Variants in ABCC5 observed in about 807,000 individuals in gnomAD.
ABCC5 encodes ATP-binding cassette sub-family C member 5.
A neutral mutation model predicts 160.9 loss-of-function variants in ABCC5; 61 were observed. That is an observed-to-expected ratio of 0.38 (90% CI 0.31 to 0.47). The LOEUF (loss-of-function observed/expected upper bound fraction) is 0.47. Among genes scored for constraint, ABCC5 ranks in the 20% least tolerant of loss-of-function variants. ABCC5 has a pLI of 0.99. For missense variants in ABCC5, 1,308 were observed against 1,813.3 expected (o/e 0.72, Z 5.06); for synonymous variants, 666 against 700.6 (o/e 0.95, Z 0.78).
chr3:183,973,201 C>T (rs1430840792), intron 10 of ABCC5, among the ~76,000 whole-genome samples: 1 of 151,604 alleles, frequency 6.6e-6, no homozygotes, highest in Non-Finnish European at 1.5e-5. Flanking sequence ...ACTACAGGTG[C>T]CCGCCACCAC....
Position 183,943,370 on chromosome 3 carries a change from A to C in ABCC5, c.3505-454T>G, listed in dbSNP as rs575191324. On this transcript the variant is annotated intron_variant, in intron 24 of 29. Coordinates refer to ENST00000334444, the MANE Select transcript of ABCC5 (RefSeq NM_005688.4). ...ACTGAACATCTGATTGGATCCTGGC[A>C]TTCTGGCATGTCTTGGTCAATCCAG... 7.1e-4 allele frequency among the ~76,000 whole-genome samples: 108 copies of C among 152,350 alleles called. 3 individuals carry two copies. The South Asian group carries it at 0.015, about 22-fold the overall frequency.
chr3:183,924,795 A>C (rs1712360305), intron 29 of ABCC5, among the ~76,000 whole-genome samples: 1 of 152,214 alleles, frequency 6.6e-6, no homozygotes, highest in South Asian at 2.1e-4. Flanking sequence ...AGAGAGGTAC[A>C]GATACAGTCT....
At chr3:183,936,513 T>G (rs1181637431) in intron 26 of ABCC5, among the ~76,000 whole-genome samples, 1 of 104,986 alleles carries the variant, frequency 9.5e-6, no homozygotes, top group South Asian at 2.3e-4. Context: ...TTTAGAATGA[T>G]TTTTTTTTTT....
chr3:183,964,300 T>A (rs1417894527), intron 14 of ABCC5, among the ~76,000 whole-genome samples: 1 of 152,262 alleles, frequency 6.6e-6, no homozygotes, highest in Non-Finnish European at 1.5e-5. Flanking sequence ...TATTCCTTTA[T>A]ATTCTTAGTG....
chr3:183,994,956 C>G (rs1279867537), intron 2 of ABCC5, among the ~76,000 whole-genome samples: 1 of 150,748 alleles, frequency 6.6e-6, no homozygotes, highest in Non-Finnish European at 1.5e-5. Flanking sequence ...CTCCCAGGCT[C>G]AAGTGATCCT....
chr3:184,008,028 A>G (rs1001557317), intron 2 of ABCC5, among the ~76,000 whole-genome samples: 1 of 152,076 alleles, frequency 6.6e-6, no homozygotes, highest in Non-Finnish European at 1.5e-5. Context: ...GCCAAATGAT[A>G]CCTCCTCCTA....
chr3:183,979,425 G>A (rs1229587825), intron 8 of ABCC5, among the ~76,000 whole-genome samples: 3 of 151,640 alleles, frequency 2.0e-5, no homozygotes, highest in Non-Finnish European at 4.4e-5. Flanking sequence ...TGGGATAGAA[G>A]CTTCCATATA....
intron 24 of ABCC5, among the ~76,000 whole-genome samples, chr3:183,945,136 T>C (rs6805913): frequency 2.0e-5 from 3 of 152,030 alleles, no homozygotes; most frequent in South Asian, 2.1e-4. Flanking sequence ...TGTTAAGCCT[T>C]CGGAACTGTG....
At chr3:184,014,172 C>CA in intron 2 of ABCC5, 92 bp downstream of exon 2, 4 of 1,327,058 alleles carry the variant, frequency 3.0e-6, no homozygotes, top group Non-Finnish European at 4.2e-6. Flanking sequence ...CGCGCCCGGC[C>CA]AAAAAATAAG....
intron 17 of ABCC5, 104 bp from the exon 18 acceptor site, chr3:183,953,374 G>T (rs1334264804): frequency 3.0e-6 from 3 of 998,492 alleles, no homozygotes; most frequent in Non-Finnish European, 4.3e-6. Context: ...AGCTTCACAG[G>T]GGTCTAGATT....
chr3:183,950,151 T>C, intron 20 of ABCC5, 26 bp from the exon 21 acceptor site: 1 of 1,581,846 alleles, frequency 6.3e-7, no homozygotes, highest in Non-Finnish European at 8.6e-7. Flanking sequence ...AAGGAGCAAG[T>C]GTCAGATGGT....
intron 18 of ABCC5, among the ~76,000 whole-genome samples, chr3:183,952,759 T>G (rs769580822): frequency 1.3e-5 from 2 of 152,238 alleles, no homozygotes; most frequent in Non-Finnish European, 1.5e-5. Context: ...TATGTGGAAC[T>G]GTGAGTCAAT....
chr3:183,947,283 C>T, intron 23 of ABCC5, 41 bp downstream of exon 23: 2 of 1,536,012 alleles, frequency 1.3e-6, no homozygotes, highest in Non-Finnish European at 1.8e-6. Flanking sequence ...AGAGGAAGGG[C>T]TCAAACAAGC....
In ABCC5 at chr3:183,919,974, T is replaced by C. The variant is rs1300752662; in HGVS notation, c.*1326A>G. The C allele has an allele frequency of 6.6e-6, 1 of 152,650 alleles. No individual in the cohort carries two copies. Among genetic ancestry groups the C allele is most frequent in the Non-Finnish European group, 1.5e-5 (1 of 68,052 alleles). 9.5% of individuals were successfully genotyped at this position (152,650 alleles called of 1,614,324 possible). ...AATAATTTTATTCACATTTTCAGAT[T>C]TTTGCTTCCACAAGGTGTTCAGCAA... On this transcript the variant is annotated 3_prime_UTR_variant, in exon 30 of 30. Transcript: ENST00000334444.
chr3:183,982,977 T>C lies in ABCC5; in HGVS notation c.622A>G (p.Thr208Ala). Residue 208 changes from threonine to alanine, a missense_variant, in exon 6 of 30, where the codon ACC (threonine) becomes GCC (alanine). Around this residue, in one of 3 missense-constraint regions of ABCC5, gnomAD observed 1,142 missense variants for 1,527.1 expected, o/e 0.75. Coordinates refer to ENST00000334444, the MANE Select transcript of ABCC5 (RefSeq NM_005688.4). This position sits in a 1 kb window ranked among gnomAD's most constrained non-coding sequence, Gnocchi z 5.2. The part of the protein sequence containing the change: ...AFMVKHLLEY[T>A]QATESNLQYS... ...TGCAGGTTAGACTCTGTTGCCTGGG[T>C]ATACTCCAAGAGGTGTTTCACCATG... is the stretch of plus-strand genomic sequence containing the variant. 6.2e-7 allele frequency: 1 copy of C among 1,614,172 alleles called. No individual in the cohort carries two copies. The highest frequency in any genetic ancestry group is 8.5e-7 in the Non-Finnish European group (1 of 1,180,040).
chr3:184,015,742 G>T (rs142535263), intron 1 of ABCC5, among the ~76,000 whole-genome samples: 102 of 150,358 alleles, frequency 6.8e-4, no homozygotes, highest in African/African-American at 2.3e-3. Flanking sequence ...ATAAAGAACA[G>T]CGGCTCACCA....
chr3:183,950,028 G>T lies in ABCC5; in HGVS notation c.3042C>A (p.Phe1014Leu). 1.2e-6 allele frequency: 2 copies of T among 1,614,062 alleles called. No homozygotes were observed. The highest frequency in any genetic ancestry group is 1.7e-5 in the Admixed American group (1 of 60,004). ...TGACAAGGGGCCCCACTGCCACAAG[G>T]AACCACGGGAAGACTCCTGCGATCA... ...VGMIAGVFPW[F>L]LVAVGPLVIL... is the part of the protein sequence containing the mutation. Residue 1014 changes from phenylalanine to leucine, a missense_variant, in exon 21 of 30, where the codon TTC (phenylalanine) becomes TTA (leucine). Physicochemically the swap from Phe to Leu is conservative, Grantham distance 22. Transcript: ENST00000334444.
rs755744993 is a variant in ABCC5 at position 183,965,264 on chromosome 3, G to A, written c.1959-7C>T. On this transcript the variant is annotated splice_polypyrimidine_tract_variant and splice_region_variant and intron_variant, in intron 13 of 29. Coordinates refer to ENST00000334444, the MANE Select transcript of ABCC5 (RefSeq NM_005688.4). ...GTTCAGCACAGAGTTGTATCTGGAG[G>A]ACACAAAGAGACAGCGTCAGGGACA... The A allele has an allele frequency of 3.7e-6, 6 of 1,614,230 alleles. No individual in the cohort carries two copies. Among genetic ancestry groups the A allele is most frequent in the South Asian group, 3.3e-5 (3 of 91,076 alleles).
In ABCC5 at chr3:183,982,772, AC is replaced by A; in HGVS notation, c.825+1del. ...GCTGTGAAGCAAACACCCCTCACTC[AC>A]CTCACCCAGGGATTTCTCTTTAATG... On this transcript the variant is annotated splice_donor_variant, in intron 6 of 29. Coordinates refer to ENST00000334444, the MANE Select transcript of ABCC5 (RefSeq NM_005688.4). LOFTEE classifies it high-confidence loss of function. The surrounding 1 kb of genome is among the most constrained non-coding windows in gnomAD (Gnocchi z 5.2). 1 of 1,614,046 alleles carries A rather than the reference AC, an allele frequency of 6.2e-7. No individual in the cohort carries two copies. Among genetic ancestry groups the A allele is most frequent in the Non-Finnish European group, 8.5e-7 (1 of 1,179,958 alleles).
Sources: allele counts gnomAD v4.1 joint callset (sites outside exome capture counted in the v4.1 genomes callset), GRCh38; gene constraint gnomAD v4.1.1; regional missense constraint gnomAD v4.1.1; non-coding constraint Gnocchi (gnomAD v3.1); transcripts MANE v1.5; gene names NCBI Gene and HGNC (gene_info 2026-07-23, HGNC 2026-07-21).